CMSS1: variants seen among roughly 807,000 people sequenced by gnomAD.
The protein encoded by CMSS1 is cms1 ribosomal small subunit homolog.
Under a neutral mutation model 43.5 loss-of-function variants are expected in CMSS1, and 33 were observed. The observed-to-expected ratio is 0.76, with a 90% CI of 0.57 to 1.01. The LOEUF is 1.01. Among genes scored for constraint, CMSS1 ranks in the 50% least tolerant of loss-of-function variants. The probability of loss-of-function intolerance (pLI) is 0.00; values close to 1 mark genes in which losing one functional copy is unlikely to be tolerated. For synonymous variants in CMSS1, 115 were observed against 117.2 expected (o/e 0.98, Z 0.12); for missense variants, 313 against 326.4 (o/e 0.96, Z 0.32).
intron 1 of CMSS1, among the ~76,000 whole-genome samples, chr3:99,950,563 G>A (rs1212988485): frequency 2.0e-5 from 3 of 151,934 alleles, no homozygotes; most frequent in Admixed American, 6.6e-5. Flanking sequence ...TTCATTCATC[G>A]GATAGTATAC....
chr3:99,974,090 T>G (rs1482636819), intron 1 of CMSS1, among the ~76,000 whole-genome samples: 1 of 152,232 alleles, frequency 6.6e-6, no homozygotes. Flanking sequence ...ACTGGGGAAC[T>G]ATGTTTCTTT....
At chr3:100,116,455 A>G (rs1322497347) in intron 1 of CMSS1, among the ~76,000 whole-genome samples, 2 of 152,134 alleles carry the variant, frequency 1.3e-5, no homozygotes, top group Non-Finnish European at 2.9e-5. Context: ...GCACAAGAAA[A>G]TGTTCCATAA....
At chr3:100,141,201 G>GT (rs1576099399) in intron 1 of CMSS1, among the ~76,000 whole-genome samples, 2 of 152,196 alleles carry the variant, frequency 1.3e-5, no homozygotes, top group East Asian at 3.9e-4. Context: ...CCCACTTTGT[G>GT]TCAGAATGTC....
chr3:100,106,867 A>T (rs1202033316), intron 1 of CMSS1, among the ~76,000 whole-genome samples: 5 of 152,148 alleles, frequency 3.3e-5, no homozygotes, highest in African/African-American at 1.2e-4. Context: ...GTTGCTTTTT[A>T]AAAATATGCA....
At chr3:100,078,984 C>T (rs1457355007) in intron 1 of CMSS1, among the ~76,000 whole-genome samples, 3 of 152,144 alleles carry the variant, frequency 2.0e-5, no homozygotes, top group Non-Finnish European at 4.4e-5. Flanking sequence ...TGTCCTGGGC[C>T]ACATGTGGCC....
At chr3:99,899,858 A>T (rs998095281) in intron 1 of CMSS1, among the ~76,000 whole-genome samples, 22 of 152,140 alleles carry the variant, frequency 1.4e-4, no homozygotes, top group African/African-American at 5.3e-4. Context: ...TACCTTCCTC[A>T]TAGGGTTGTT....
chr3:100,075,505 G>A (rs761049863), intron 1 of CMSS1: 10 of 151,118 alleles, frequency 6.6e-5, no homozygotes, highest in Non-Finnish European at 1.0e-4. Flanking sequence ...AGCTTTATTC[G>A]AAGCTTCGGG....
chr3:99,845,263 T>C (rs1370673195), intron 1 of CMSS1, among the ~76,000 whole-genome samples: 4 of 152,192 alleles, frequency 2.6e-5, no homozygotes, highest in Non-Finnish European at 5.9e-5. Flanking sequence ...GGGAAAGTTT[T>C]GCCATTGCTT....
intron 2 of CMSS1, among the ~76,000 whole-genome samples, chr3:100,157,026 G>T (rs1045991088): frequency 6.6e-6 from 1 of 152,026 alleles, no homozygotes; most frequent in Non-Finnish European, 1.5e-5. Context: ...AAAGCACTAG[G>T]GTTACAGACA....
At chr3:100,025,579 T>C (rs941446469) in intron 1 of CMSS1, 8 of 152,152 alleles carry the variant, frequency 5.3e-5, no homozygotes, top group Admixed American at 3.9e-4. Context: ...TTTGCTGTTA[T>C]ATTGAGCAGT....
At chr3:100,069,403 G>A (rs1189805434) in intron 1 of CMSS1, among the ~76,000 whole-genome samples, 1 of 152,050 alleles carries the variant, frequency 6.6e-6, no homozygotes, top group Non-Finnish European at 1.5e-5. Context: ...CCCACATAAT[G>A]CTCACCTGCT....
intron 1 of CMSS1, among the ~76,000 whole-genome samples, chr3:99,908,720 A>G (rs1277579282): frequency 2.0e-5 from 3 of 152,240 alleles, no homozygotes; most frequent in African/African-American, 7.2e-5. Flanking sequence ...GAGATAATCT[A>G]CTGTGCTTAG....
intron 1 of CMSS1, among the ~76,000 whole-genome samples, chr3:99,993,460 GCCTCT>G (rs1709583318): frequency 1.3e-5 from 2 of 152,028 alleles, no homozygotes; most frequent in South Asian, 4.2e-4. Context: ...CAATTTGAAT[GCCTCT>G]TATTTCTTTC....
chr3:99,890,992 C>G (rs1484656709), intron 1 of CMSS1, among the ~76,000 whole-genome samples: 3 of 151,984 alleles, frequency 2.0e-5, no homozygotes. Flanking sequence ...GTATTTTCAG[C>G]CTAAAATCTT....
At chr3:100,085,335 T>C (rs149957058) in intron 1 of CMSS1, among the ~76,000 whole-genome samples, 2 of 152,348 alleles carry the variant, frequency 1.3e-5, no homozygotes, top group African/African-American at 4.8e-5. Flanking sequence ...TCTTCCCTTC[T>C]CCTTAAGGAA....
At chr3:99,963,510 A>T (rs1482747795) in intron 1 of CMSS1, among the ~76,000 whole-genome samples, 2 of 152,194 alleles carry the variant, frequency 1.3e-5, no homozygotes, top group African/African-American at 2.4e-5. Context: ...TATTAGAAGG[A>T]TAAGAAAGAA....
chr3:100,178,220 C>T, intron 9 of CMSS1, 85 bp from the exon 10 acceptor site: 1 of 736,762 alleles, frequency 1.4e-6, no homozygotes. Context: ...GGGTAAATAT[C>T]AGGGAGTCCT....
intron 1 of CMSS1, among the ~76,000 whole-genome samples, chr3:100,062,348 C>CT (rs1421644308): frequency 6.6e-6 from 1 of 151,734 alleles, no homozygotes; most frequent in Non-Finnish European, 1.5e-5. Context: ...CCTGACCTCG[C>CT]GATCCACCCG....
At chr3:99,857,696 C>T (rs576495540) in intron 1 of CMSS1, among the ~76,000 whole-genome samples, 16 of 152,292 alleles carry the variant, frequency 1.1e-4, no homozygotes, top group South Asian at 4.1e-4. Flanking sequence ...AGCAATAAAA[C>T]GAATTCCACA....
Sources: gnomAD v4.1 joint callset for allele counts (sites outside exome capture counted in the v4.1 genomes callset) on GRCh38, gnomAD v4.1.1 for gene constraint, MANE v1.5 for transcripts, NCBI Gene and HGNC (gene_info 2026-07-23, HGNC 2026-07-21) for gene names.